Variants in XIAP observed in about 807,000 individuals in gnomAD.
XIAP encodes X-linked inhibitor of apoptosis.
XIAP carries 3 observed loss-of-function variants against 33.1 expected under a neutral mutation model. The observed-to-expected ratio is 0.09, with a 90% CI of 0.04 to 0.23. The LOEUF is 0.23. Ranked by LOEUF, XIAP falls within the 10% of genes least tolerant of loss-of-function variation. The pLI is 1.00. For synonymous variants in XIAP, 98 were observed against 121.3 expected (o/e 0.81, Z 1.26); for missense variants, 264 against 363.0 (o/e 0.73, Z 2.22).
At chrX:123,894,728 A>AT (rs1295257596) in intron 5 of XIAP, among the ~76,000 whole-genome samples, 1 of 109,867 alleles carries the variant, frequency 9.1e-6, no homozygotes, top group Non-Finnish European at 1.9e-5. Flanking sequence ...AGACCACGCC[A>AT]TTGCACTACA....
intron 5 of XIAP, among the ~76,000 whole-genome samples, chrX:123,899,143 AAATAT>A (rs1250521257): frequency 1.5e-5 from 1 of 68,962 alleles, no homozygotes; most frequent in African/African-American, 5.9e-5. Context: ...AAAAAAAAAA[AAATAT>A]ATATATATAT....
At position 123,911,022 on chromosome X, in the gene XIAP, A is replaced by G. The variant is rs1443309827; in HGVS notation, c.*3841A>G. On this transcript the variant is annotated 3_prime_UTR_variant, in exon 7 of 7. Transcript: ENST00000371199. ...AAGGTTGCAAGAGCTCAAGGAGACCATGTATGTAAAGTTCCTGCTGTAAAT... is the reference window on the plus strand; with the variant it reads ...AAGGTTGCAAGAGCTCAAGGAGACCGTGTATGTAAAGTTCCTGCTGTAAAT... 2.4e-5 allele frequency: 8 copies of G among 327,287 alleles called. No homozygotes were observed. The highest frequency in any genetic ancestry group is 1.1e-4 in the African/African-American group (4 of 37,579). 27.0% of individuals were successfully genotyped at this position (327,287 alleles called of 1,213,427 possible).
rs972613558 is a variant in XIAP at position 123,913,437 on chromosome X, T to C, written c.*6256T>C. The C allele has an allele frequency of 1.8e-5, 6 of 327,059 alleles. No individual in the cohort carries two copies. Among genetic ancestry groups the C allele is most frequent in the Non-Finnish European group, 2.9e-5 (5 of 169,506 alleles). The allele number at this position is 327,059 out of a possible 1,213,427, so 27.0% of individuals were successfully genotyped here. A position where few individuals can be genotyped will look rare whatever the true frequency, so the allele number is the denominator to read the frequency against. On this transcript the variant is annotated 3_prime_UTR_variant, in exon 7 of 7. Transcript: ENST00000371199. The stretch of plus-strand genomic sequence containing the variant: ...GGGAGCCAAGATGGCGCCACCGCAC[T>C]CCAGCCTAGGTGATAGAGTGAGACT...
chrX:123,872,008 C>T (rs947004946), intron 1 of XIAP, among the ~76,000 whole-genome samples: 1 of 110,461 alleles, frequency 9.1e-6, no homozygotes, highest in Non-Finnish European at 1.9e-5. Context: ...GGCTAAGGCA[C>T]GAGAATTGCT....
At chrX:123,906,933 A>G in intron 6 of XIAP, 55 bp from the exon 7 acceptor site, 1 of 1,178,602 alleles carries the variant, frequency 8.5e-7, no homozygotes, top group Non-Finnish European at 1.2e-6. Flanking sequence ...GTTTTCAATG[A>G]ATTTAAACAA....
intron 5 of XIAP, among the ~76,000 whole-genome samples, chrX:123,895,303 A>G (rs1374995698): frequency 2.7e-5 from 3 of 112,488 alleles, no homozygotes; most frequent in Non-Finnish European, 5.6e-5. Flanking sequence ...ATTGTAGAAA[A>G]AGAGTCCATT....
At chrX:123,873,198 A>C (rs2053210783) in intron 1 of XIAP, among the ~76,000 whole-genome samples, 1 of 108,981 alleles carries the variant, frequency 9.2e-6, no homozygotes, top group South Asian at 4.0e-4. Flanking sequence ...ACGCCCGGCT[A>C]ATTTTGTATT....
At chrX:123,874,722 T>C (rs1476387511) in intron 1 of XIAP, among the ~76,000 whole-genome samples, 3 of 92,970 alleles carry the variant, frequency 3.2e-5, no homozygotes, top group Non-Finnish European at 6.3e-5. Flanking sequence ...TGAGATGGAG[T>C]CTCCCTCTGT....
chrX:123,873,015 C>T (rs1375453210), intron 1 of XIAP: 2 of 106,232 alleles, frequency 1.9e-5, no homozygotes, highest in Non-Finnish European at 3.9e-5. Flanking sequence ...CATGTGCAAC[C>T]ATGCCCGACT....
chrX:123,903,018 T>G (rs77270209), intron 6 of XIAP, among the ~76,000 whole-genome samples: 1 of 110,256 alleles, frequency 9.1e-6, no homozygotes, highest in East Asian at 2.8e-4. Context: ...GGGAAGTAAT[T>G]GCCAGTGGTA....
intron 1 of XIAP, among the ~76,000 whole-genome samples, chrX:123,876,838 G>A (rs2053250221): frequency 9.0e-6 from 1 of 111,566 alleles, no homozygotes; most frequent in South Asian, 3.7e-4. Context: ...ATCCAAAATC[G>A]TTGTATGAAA....
chrX:123,906,022 A>G (rs780942987), intron 6 of XIAP, among the ~76,000 whole-genome samples: 1 of 112,969 alleles, frequency 8.9e-6, no homozygotes, highest in South Asian at 3.6e-4. Context: ...ATGCTAAAAT[A>G]AATAAATAGT....
At chrX:123,897,147 C>T (rs775560232) in intron 5 of XIAP, among the ~76,000 whole-genome samples, 7 of 109,660 alleles carry the variant, frequency 6.4e-5, no homozygotes, top group African/African-American at 1.3e-4. Context: ...AGGCTCGTCT[C>T]GAACTCCTGA....
Position 123,899,859 on chromosome X carries a change from TGGCAGAGATATAC to T in XIAP, c.1100-633_1100-621del, listed in dbSNP as rs774733185. Reference sequence around the variant, plus strand: ...CTATGAATACTCTTGTGCATATCTTTGGCAGAGATATACACTCATTTTTAATACCCAAGAGTGG... The same window carrying T: ...CTATGAATACTCTTGTGCATATCTTTACTCATTTTTAATACCCAAGAGTGG... On this transcript the variant is annotated intron_variant, in intron 5 of 6. Coordinates refer to ENST00000371199, the MANE Select transcript of XIAP (RefSeq NM_001167.4). Among the ~76,000 whole-genome samples the T allele has an allele frequency of 1.1e-3, 127 of 111,471 alleles. 1 individual carries two copies. The South Asian group carries it at 0.046, about 41-fold the overall frequency.
Position 123,909,245 on chromosome X carries a change from G to C in XIAP, c.*2064G>C, listed in dbSNP as rs1253834430. On this transcript the variant is annotated 3_prime_UTR_variant, in exon 7 of 7. Coordinates refer to ENST00000371199, the MANE Select transcript of XIAP (RefSeq NM_001167.4). ...GGGGTTTCACCATGTTGGCCAGGCTGGTATCAAACTCCTGACCTCAAGAGA... is the reference window on the plus strand; with the variant it reads ...GGGGTTTCACCATGTTGGCCAGGCTCGTATCAAACTCCTGACCTCAAGAGA... 3 of 318,808 alleles carry C rather than the reference G, an allele frequency of 9.4e-6. No homozygotes were observed. The highest frequency in any genetic ancestry group is 2.7e-5 in the African/African-American group (1 of 37,027). 26.3% of individuals were successfully genotyped at this position (318,808 alleles called of 1,213,427 possible).
In XIAP at chrX:123,913,123, A is replaced by G. The variant is rs1301373665; in HGVS notation, c.*5942A>G. 6.1e-6 allele frequency: 2 copies of G among 328,441 alleles called. No homozygotes were observed. The highest frequency in any genetic ancestry group is 6.2e-5 in the Admixed American group (2 of 32,095). The allele number at this position is 328,441 out of a possible 1,213,427, so 27.1% of individuals were successfully genotyped here. On this transcript the variant is annotated 3_prime_UTR_variant, in exon 7 of 7. Transcript: ENST00000371199. ...AGGGACTTAAGCGTCCTCAGGTCCT[A>G]GGGGGTCGTGAAACCAAAACCCCAG...
chrX:123,885,126 A>G (rs773399868), intron 1 of XIAP, among the ~76,000 whole-genome samples: 1 of 111,774 alleles, frequency 8.9e-6, no homozygotes. Context: ...TGGAACCAAT[A>G]TTATGATTAA....
intron 6 of XIAP, among the ~76,000 whole-genome samples, chrX:123,904,386 A>T (rs1289154768): frequency 9.0e-6 from 1 of 111,548 alleles, no homozygotes; most frequent in African/African-American, 3.3e-5. Flanking sequence ...ATCAGCTTAT[A>T]GTGCCGTTTC....
chrX:123,867,671 CTTTT>C (rs747177182), intron 1 of XIAP, among the ~76,000 whole-genome samples: 1 of 66,920 alleles, frequency 1.5e-5, no homozygotes, highest in Non-Finnish European at 2.7e-5. Flanking sequence ...CGTACCTGGC[CTTTT>C]TTTTTTTTTT....
Sources: gnomAD v4.1 joint callset for allele counts (sites outside exome capture counted in the v4.1 genomes callset) on GRCh38, gnomAD v4.1.1 for gene constraint, MANE v1.5 for transcripts, NCBI Gene and HGNC (gene_info 2026-07-23, HGNC 2026-07-21) for gene names.